Variants in SIPA1L3 observed in about 807,000 individuals in gnomAD.
SIPA1L3 encodes signal induced proliferation associated 1 like 3.
Under a neutral mutation model 150.1 loss-of-function variants are expected in SIPA1L3, and 59 were observed. That is an observed-to-expected ratio of 0.39 (90% CI 0.32 to 0.49). SIPA1L3 has a LOEUF of 0.49. Ranked by LOEUF, SIPA1L3 falls within the 20% of genes least tolerant of loss-of-function variation. The probability of loss-of-function intolerance (pLI) is 0.86; values close to 1 mark genes in which losing one functional copy is unlikely to be tolerated. For missense variants in SIPA1L3, 2,211 were observed against 2,489.5 expected (o/e 0.89, Z 2.38); for synonymous variants, 1,070 against 1,077.6 (o/e 0.99, Z 0.14).
chr19:38,170,384 C>T (rs1011955922), intron 15 of SIPA1L3, among the ~76,000 whole-genome samples: 3 of 152,242 alleles, frequency 2.0e-5, no homozygotes, highest in Non-Finnish European at 2.9e-5. Flanking sequence ...CACTGTGCAC[C>T]GGGCAGCCCA....
intron 15 of SIPA1L3, among the ~76,000 whole-genome samples, chr19:38,178,981 C>T (rs868162398): frequency 1.3e-5 from 2 of 152,336 alleles, no homozygotes; most frequent in African/African-American, 4.8e-5. Context: ...TCAATCCAGT[C>T]GGACAATCCC....
At chr19:38,090,290 A>G (rs1233769458) in intron 4 of SIPA1L3, among the ~76,000 whole-genome samples, 1 of 146,386 alleles carries the variant, frequency 6.8e-6, no homozygotes, top group Non-Finnish European at 1.5e-5. Context: ...AGATCGCGCC[A>G]TTGTACTCCA....
At chr19:37,922,861 G>A (rs1367212884) in intron 1 of SIPA1L3, among the ~76,000 whole-genome samples, 1 of 150,854 alleles carries the variant, frequency 6.6e-6, no homozygotes, top group African/African-American at 2.4e-5. Flanking sequence ...GGGCACGGTG[G>A]CTCATGCCTG....
chr19:38,129,488 G>A (rs1222058121), intron 9 of SIPA1L3, among the ~76,000 whole-genome samples: 1 of 152,120 alleles, frequency 6.6e-6, no homozygotes, highest in African/African-American at 2.4e-5. Flanking sequence ...AGCCGGGCAT[G>A]GTGGCGCGTG....
At position 38,193,570 on chromosome 19, in the gene SIPA1L3, T is replaced by C. The variant is rs748137126; in HGVS notation, c.4630T>C (p.Ser1544Pro). The stretch of plus-strand genomic sequence containing the variant: ...GCAGAAGGGCCTGCAGCGGACGCTG[T>C]CGGACGAGAGCCTGTGCAGCGGGCG... The part of the protein sequence containing the change: ...SPQKGLQRTL[S>P]DESLCSGRRE... Residue 1544 changes from serine to proline, a missense_variant, in exon 18 of 22, where the codon TCG becomes CCG. Physicochemically the swap from Ser to Pro is moderately conservative, Grantham distance 74. Coordinates refer to ENST00000222345, the MANE Select transcript of SIPA1L3 (RefSeq NM_015073.3). 2 of 1,530,468 alleles carry C rather than the reference T, an allele frequency of 1.3e-6. No homozygotes were observed. The highest frequency in any genetic ancestry group is 2.5e-5 in the South Asian group (2 of 79,684). The allele number at this position is 1,530,468 out of a possible 1,614,324, so 94.8% of individuals were successfully genotyped here. A position where few individuals can be genotyped will look rare whatever the true frequency, so the allele number is the denominator to read the frequency against.
rs371296836 is a variant in SIPA1L3 at position 38,031,340 on chromosome 19, TC to T, written c.-311+2185del. Among the ~76,000 whole-genome samples the T allele has an allele frequency of 9.9e-4, 151 of 152,350 alleles. 2 individuals are homozygous for T. In the East Asian group the frequency reaches 0.019, roughly 19 times the overall value. On this transcript the variant is annotated intron_variant, in intron 2 of 21. Transcript: ENST00000222345. The stretch of plus-strand genomic sequence containing the variant: ...CAGTTTTTCTGCGGATGTCCTTTTT[TC>T]TTCCAAGAGTCTATTCTTGATCCCA...
intron 9 of SIPA1L3, among the ~76,000 whole-genome samples, chr19:38,121,744 A>T (rs28808672): frequency 1.1e-4 from 16 of 140,140 alleles, no homozygotes; most frequent in South Asian, 2.2e-4. Context: ...GTCTCAAAAA[A>T]AAATAAATAA....
At chr19:38,070,043 C>A (rs898254341) in intron 2 of SIPA1L3, among the ~76,000 whole-genome samples, 2 of 151,898 alleles carry the variant, frequency 1.3e-5, no homozygotes, top group Non-Finnish European at 2.9e-5. Flanking sequence ...ACCAGTCCCC[C>A]GAGCATCCCC....
chr19:38,196,422 T>TGGAGGTCAAGAGCGGAGCAA lies in SIPA1L3; in HGVS notation c.4841-1957_4841-1956insAGCGGAGCAAGGAGGTCAAG, dbSNP rs1568605768. 3.7e-5 allele frequency among the ~76,000 whole-genome samples: 5 copies of TGGAGGTCAAGAGCGGAGCAA among 135,942 alleles called. No homozygotes were observed. In the East Asian group the frequency reaches 1.2e-3, roughly 32 times the overall value. The allele number at this position is 135,942 out of a possible 152,430, so 89.2% of individuals were successfully genotyped here. The stretch of plus-strand genomic sequence containing the variant: ...GAGCAAGGAGGTCAAGGGCAGAGCA[T>TGGAGGTCAAGAGCGGAGCAA]GGAGGTCAAGGGCAGAGCAAGGAGG... On this transcript the variant is annotated intron_variant, in intron 18 of 21. Transcript: ENST00000222345.
In SIPA1L3 at chr19:38,120,034, G is replaced by A. The variant is rs1291427125; in HGVS notation, c.2868+152G>A. On this transcript the variant is annotated intron_variant, in intron 9 of 21. Transcript: ENST00000222345. ...TCACTTACAAACTAGACATCTTGTG[G>A]GTTCTGTAGCTAGGTTCTTCCTCTG... is the stretch of plus-strand genomic sequence containing the variant. 6.6e-6 allele frequency: 4 copies of A among 602,366 alleles called. No individual in the cohort carries two copies. The Admixed American group carries it at 9.4e-5, about 14-fold the overall frequency. 37.3% of individuals were successfully genotyped at this position (602,366 alleles called of 1,614,324 possible).
Position 38,081,729 on chromosome 19 carries a change from C to T in SIPA1L3, c.164C>T (p.Ala55Val). ...TCCCAGCCTCTTGGCGAGAGCCCGG[C>T]CACCGCCACCGCCACCGCCACCGCC... ...SMSQPLGESP[A>V]TATATATATT... Residue 55 changes from alanine to valine, a missense_variant, in exon 3 of 22, where the codon GCC becomes GTC. By Grantham distance (64) the Ala-to-Val change is moderately conservative. Around this residue, in one of 5 missense-constraint regions of SIPA1L3, gnomAD observed 130 missense variants for 174.5 expected, o/e 0.74. Transcript: ENST00000222345. 1 of 1,578,508 alleles carries T rather than the reference C, an allele frequency of 6.3e-7. No homozygotes were observed. The highest frequency in any genetic ancestry group is 8.6e-7 in the Non-Finnish European group (1 of 1,164,478).
At chr19:38,014,544 CTTTTTTTTTTT>C (rs72101453) in intron 1 of SIPA1L3, among the ~76,000 whole-genome samples, 4,063 of 116,832 alleles carry the variant, frequency 0.035, 97 homozygotes, top group East Asian at 0.094. Flanking sequence ...ACACCACATT[CTTTTTTTTTTT>C]TTTTTTTTTT....
At chr19:38,038,366 G>A (rs1968837481) in intron 2 of SIPA1L3, among the ~76,000 whole-genome samples, 1 of 152,126 alleles carries the variant, frequency 6.6e-6, no homozygotes, top group African/African-American at 2.4e-5. Flanking sequence ...GCCCAGGTGA[G>A]CAGATCACCT....
Position 38,162,254 on chromosome 19 carries a change from G to A in SIPA1L3, c.3663G>A (p.Glu1221=), listed in dbSNP as rs1972105714. The part of the protein sequence containing the change: ...QESTMERQKP[E]PLWHVPAQAR... ...GGTGTGTCTCCTGTTTTCCTACAGA[G>A]CCTTTGTGGCATGTGCCTGCCCAGG... The change falls in exon 14 of 22, where the codon GAG becomes GAA. Residue 1221 remains glutamate (E), a splice_region_variant and synonymous_variant. Transcript: ENST00000222345. 1 of 1,613,642 alleles carries A rather than the reference G, an allele frequency of 6.2e-7. No homozygotes were observed. The highest frequency in any genetic ancestry group is 8.5e-7 in the Non-Finnish European group (1 of 1,179,622).
At chr19:38,017,520 CTTTT>C (rs764574386) in intron 1 of SIPA1L3, among the ~76,000 whole-genome samples, 1 of 138,824 alleles carries the variant, frequency 7.2e-6, no homozygotes, top group East Asian at 2.1e-4. Flanking sequence ...CAGCTATCTC[CTTTT>C]TTTTTTTTTT....
chr19:38,152,155 G>A (rs1335458457), intron 12 of SIPA1L3, among the ~76,000 whole-genome samples: 4 of 152,042 alleles, frequency 2.6e-5, no homozygotes, highest in Non-Finnish European at 4.4e-5. Flanking sequence ...ATGTTACCTC[G>A]TGAGCTGGGC....
At chr19:38,137,086 C>T (rs1435571142) in intron 10 of SIPA1L3, among the ~76,000 whole-genome samples, 2 of 152,204 alleles carry the variant, frequency 1.3e-5, no homozygotes, top group African/African-American at 4.8e-5. Context: ...ATTCCTCACC[C>T]ACACCCATGT....
chr19:38,174,216 T>TG (rs769817353), intron 15 of SIPA1L3, among the ~76,000 whole-genome samples: 7 of 152,150 alleles, frequency 4.6e-5, no homozygotes, highest in Non-Finnish European at 8.8e-5. Context: ...AGACCCTCTC[T>TG]GTGTCTGCTT....
At chr19:37,988,140 A>G (rs1314357334) in intron 1 of SIPA1L3, among the ~76,000 whole-genome samples, 1 of 152,134 alleles carries the variant, frequency 6.6e-6, no homozygotes, top group Admixed American at 6.6e-5. Flanking sequence ...GCACTCAGCC[A>G]GGTGGGGCCT....
Sources: gnomAD v4.1 joint callset for allele counts (sites outside exome capture counted in the v4.1 genomes callset) on GRCh38, gnomAD v4.1.1 for gene constraint, gnomAD v4.1.1 regional missense constraint, MANE v1.5 for transcripts, NCBI Gene and HGNC (gene_info 2026-07-23, HGNC 2026-07-21) for gene names.